The following KCNIP1 variants were observed in gnomAD, a reference collection of about 807,000 sequenced individuals.
The protein encoded by KCNIP1 is potassium voltage-gated channel interacting protein 1, also known as A-type potassium channel modulatory protein KCNIP1.
In KCNIP1, 18 loss-of-function variants were observed where a neutral mutation model predicts 33.0. That is an observed-to-expected ratio of 0.55 (90% confidence interval 0.38 to 0.81). The LOEUF is 0.81. Ranked by LOEUF, KCNIP1 falls within the 30% of genes least tolerant of loss-of-function variation. The pLI, the probability that KCNIP1 is intolerant of heterozygous loss-of-function variation, is 0.00. For synonymous variants in KCNIP1, 93 were observed against 98.3 expected (o/e 0.95, Z 0.32); for missense variants, 238 against 271.6 (o/e 0.88, Z 0.87).
chr5:170,700,171 C>G (rs1763045299), intron 1 of KCNIP1, among the ~76,000 whole-genome samples: 1 of 152,020 alleles, frequency 6.6e-6, no homozygotes, highest in South Asian at 2.1e-4. Context: ...AGAGGATGTT[C>G]CCTCTGCCCA....
chr5:170,627,157 T>G (rs4868002), intron 1 of KCNIP1, among the ~76,000 whole-genome samples: 78,835 of 151,982 alleles, frequency 0.52, 21,710 homozygotes, highest in African/African-American at 0.69. Context: ...GCACTCTGCT[T>G]TTGGGAACAG....
At chr5:170,523,235 C>T (rs1456621479) in intron 1 of KCNIP1, among the ~76,000 whole-genome samples, 1 of 152,212 alleles carries the variant, frequency 6.6e-6, no homozygotes, top group South Asian at 2.1e-4. Context: ...TCAGTTCCCT[C>T]GGCCAGGGAC....
chr5:170,512,775 C>T (rs930238802), intron 1 of KCNIP1, among the ~76,000 whole-genome samples: 2 of 151,788 alleles, frequency 1.3e-5, no homozygotes, highest in African/African-American at 2.4e-5. Flanking sequence ...CCCGGCCAGG[C>T]GCGGTGGCTC....
chr5:170,453,487 G>C (rs1051172249), intron 1 of KCNIP1, among the ~76,000 whole-genome samples: 1 of 152,224 alleles, frequency 6.6e-6, no homozygotes, highest in Non-Finnish European at 1.5e-5. Context: ...AAATCTGAAA[G>C]TAACTTTGGG....
intron 5 of KCNIP1, among the ~76,000 whole-genome samples, chr5:170,731,872 CAAAAAA>C (rs1157286321): frequency 1.2e-4 from 2 of 16,900 alleles, no homozygotes; most frequent in African/African-American, 2.3e-4. Context: ...GACTCCGTCT[CAAAAAA>C]AAAAAAAAAA....
intron 1 of KCNIP1, among the ~76,000 whole-genome samples, chr5:170,612,674 CAGG>C (rs776952631): frequency 2.0e-5 from 3 of 152,310 alleles, no homozygotes; most frequent in East Asian, 3.9e-4. Context: ...GTCATGGTGG[CAGG>C]AGGAGAACAG....
chr5:170,589,021 CAG>C (rs1325974021), intron 1 of KCNIP1, among the ~76,000 whole-genome samples: 3 of 117,100 alleles, frequency 2.6e-5, no homozygotes, highest in Non-Finnish European at 5.0e-5. Flanking sequence ...TTTTTTGAGA[CAG>C]AGTCTCGCTC....
At chr5:170,397,400 G>T (rs142184685) in intron 1 of KCNIP1, among the ~76,000 whole-genome samples, 50 of 152,276 alleles carry the variant, frequency 3.3e-4, no homozygotes, top group African/African-American at 1.2e-3. Flanking sequence ...GTCAGGAGGG[G>T]CTTACATAGA....
chr5:170,357,425 C>A (rs1763378056), intron 1 of KCNIP1, among the ~76,000 whole-genome samples: 1 of 152,200 alleles, frequency 6.6e-6, no homozygotes, highest in Non-Finnish European at 1.5e-5. Context: ...GCTGGGACTC[C>A]CTCTCACTCA....
At chr5:170,563,989 C>T (rs1426257321) in intron 1 of KCNIP1, among the ~76,000 whole-genome samples, 1 of 152,126 alleles carries the variant, frequency 6.6e-6, no homozygotes, top group Non-Finnish European at 1.5e-5. Context: ...TATCCCAACA[C>T]ACCCCTTCCT....
intron 1 of KCNIP1, among the ~76,000 whole-genome samples, chr5:170,478,545 T>C (rs1756906863): frequency 6.6e-6 from 1 of 152,110 alleles, no homozygotes; most frequent in Non-Finnish European, 1.5e-5. Context: ...GACTCTGAAC[T>C]CAGCCTGTGT....
intron 1 of KCNIP1, among the ~76,000 whole-genome samples, chr5:170,519,435 T>G (rs149201399): frequency 1.2e-4 from 19 of 152,308 alleles, no homozygotes; most frequent in African/African-American, 4.6e-4. Context: ...CAAACACCCT[T>G]GGATTTAAAT....
At chr5:170,705,253 A>G (rs1763220525) in intron 1 of KCNIP1, among the ~76,000 whole-genome samples, 1 of 152,214 alleles carries the variant, frequency 6.6e-6, no homozygotes, top group African/African-American at 2.4e-5. Flanking sequence ...TTAAGTGCAC[A>G]GTTAAGAGGC....
intron 1 of KCNIP1, among the ~76,000 whole-genome samples, chr5:170,686,233 T>C (rs768148025): frequency 1.9e-4 from 29 of 151,978 alleles, no homozygotes; most frequent in Non-Finnish European, 2.6e-4. Flanking sequence ...AATATTTCTC[T>C]CTCCAGAGAG....
At chr5:170,672,141 C>T (rs1165842767) in intron 1 of KCNIP1, among the ~76,000 whole-genome samples, 2 of 152,164 alleles carry the variant, frequency 1.3e-5, no homozygotes, top group Admixed American at 6.5e-5. Flanking sequence ...TGCAAAGGCT[C>T]AGAGGGCAGA....
intron 1 of KCNIP1, among the ~76,000 whole-genome samples, chr5:170,437,416 A>T (rs1406368768): frequency 2.0e-5 from 3 of 152,160 alleles, no homozygotes; most frequent in Admixed American, 6.5e-5. Flanking sequence ...CAGGCCAGTC[A>T]CTCAACGGCC....
intron 1 of KCNIP1, among the ~76,000 whole-genome samples, chr5:170,571,693 G>A (rs550864620): frequency 1.1e-4 from 16 of 152,206 alleles, no homozygotes; most frequent in Admixed American, 1.3e-4. Flanking sequence ...CAGGGTTGCC[G>A]GTACATGGCA....
chr5:170,462,290 C>CA (rs939628528), intron 1 of KCNIP1, among the ~76,000 whole-genome samples: 6 of 135,398 alleles, frequency 4.4e-5, no homozygotes, highest in South Asian at 2.3e-4. Flanking sequence ...AAAAAACTAC[C>CA]AAAAAAAATC....
chr5:170,681,672 T>C (rs904897729), intron 1 of KCNIP1, among the ~76,000 whole-genome samples: 1 of 152,264 alleles, frequency 6.6e-6, no homozygotes, highest in East Asian at 1.9e-4. Context: ...TGTCAGTTTC[T>C]TTGCTCAACC....
Sources: gnomAD v4.1 joint callset for allele counts (sites outside exome capture counted in the v4.1 genomes callset) on GRCh38, gnomAD v4.1.1 for gene constraint, MANE v1.5 for transcripts, NCBI Gene and HGNC (gene_info 2026-07-23, HGNC 2026-07-21) for gene names.